Variants in ENTREP2 observed in about 807,000 individuals in gnomAD.
ENTREP2 encodes the protein protein ENTREP2.
chr15:29,617,850 C>T, the ENTREP2 span, among the ~76,000 whole-genome samples: 3 of 152,350 alleles, frequency 2.0e-5, no homozygotes, highest in East Asian at 3.9e-4. Context: ...GGCAGCCTGA[C>T]AGAGGGCCTG....
chr15:29,409,379 T>C, the ENTREP2 span, among the ~76,000 whole-genome samples: 2 of 152,070 alleles, frequency 1.3e-5, no homozygotes, highest in African/African-American at 4.8e-5. Flanking sequence ...TCTCGCTTTG[T>C]TGCCCAGGCA....
the ENTREP2 span, among the ~76,000 whole-genome samples, chr15:29,552,467 T>G: frequency 6.6e-6 from 1 of 151,604 alleles, no homozygotes. Context: ...GGCACCAGAG[T>G]GTACACCTGT....
chr15:29,480,338 CAAAAAA>C, the ENTREP2 span, among the ~76,000 whole-genome samples: 271 of 29,406 alleles, frequency 9.2e-3, 1 homozygote, highest in African/African-American at 0.024. Context: ...TTCACTATAG[CAAAAAA>C]AAAAAAAAAA....
At chr15:29,173,471 T>A in the ENTREP2 span, among the ~76,000 whole-genome samples, 1 of 152,216 alleles carries the variant, frequency 6.6e-6, no homozygotes, top group Admixed American at 6.5e-5. Flanking sequence ...CTCATCGCTC[T>A]GAGCCTTGAT....
the ENTREP2 span, among the ~76,000 whole-genome samples, chr15:29,428,115 T>C: frequency 3.5e-4 from 54 of 152,312 alleles, no homozygotes; most frequent in South Asian, 4.1e-4. Context: ...CTAAGAATCA[T>C]TGGGGAAAAA....
At chr15:29,140,835 A>C in the ENTREP2 span, among the ~76,000 whole-genome samples, 1 of 152,222 alleles carries the variant, frequency 6.6e-6, no homozygotes, top group African/African-American at 2.4e-5. Flanking sequence ...CTTCTTTCCC[A>C]GGTGGCTCTG....
At chr15:29,301,683 T>C in the ENTREP2 span, among the ~76,000 whole-genome samples, 1 of 152,242 alleles carries the variant, frequency 6.6e-6, no homozygotes, top group African/African-American at 2.4e-5. Flanking sequence ...CTGAACGTTG[T>C]GGCCCATGAG....
the ENTREP2 span, among the ~76,000 whole-genome samples, chr15:29,314,144 A>T: frequency 1.9e-4 from 29 of 152,334 alleles, no homozygotes; most frequent in South Asian, 5.0e-3. Flanking sequence ...TTGAGATGGA[A>T]TCTACTCTTG....
the ENTREP2 span, among the ~76,000 whole-genome samples, chr15:29,568,211 C>G: frequency 3.1e-3 from 466 of 152,310 alleles, no homozygotes; most frequent in African/African-American, 0.011. Flanking sequence ...AGTTTGAAGA[C>G]AGAAAATAAG....
the ENTREP2 span, among the ~76,000 whole-genome samples, chr15:29,411,581 A>C: frequency 6.6e-6 from 1 of 152,188 alleles, no homozygotes; most frequent in Non-Finnish European, 1.5e-5. Context: ...ATGAAATCAT[A>C]ATCAGTTATG....
At chr15:29,461,461 T>A in the ENTREP2 span, among the ~76,000 whole-genome samples, 3 of 152,130 alleles carry the variant, frequency 2.0e-5, no homozygotes, top group African/African-American at 7.2e-5. Flanking sequence ...AAATAAAATT[T>A]TCCATTTTCA....
the ENTREP2 span, among the ~76,000 whole-genome samples, chr15:29,416,434 G>T: frequency 1.3e-5 from 2 of 152,292 alleles, no homozygotes; most frequent in Middle Eastern, 3.4e-3. Flanking sequence ...TGGGAAAACT[G>T]GCTAGTCATA....
chr15:29,321,459 C>A, the ENTREP2 span, among the ~76,000 whole-genome samples: 1,780 of 151,968 alleles, frequency 0.012, 42 homozygotes, highest in African/African-American at 0.041. Flanking sequence ...ACCAGCCTGG[C>A]CAAGATGGTG....
chr15:29,358,759 T>A, the ENTREP2 span, among the ~76,000 whole-genome samples: 38 of 151,416 alleles, frequency 2.5e-4, no homozygotes, highest in African/African-American at 8.7e-4. Flanking sequence ...AAAACCAGAA[T>A]AAAAGACAGA....
At chr15:29,123,970 G>A in the ENTREP2 span, among the ~76,000 whole-genome samples, 2 of 152,188 alleles carry the variant, frequency 1.3e-5, no homozygotes, top group South Asian at 2.1e-4. Flanking sequence ...CAGTCTTCTC[G>A]CCTCCACGAC....
the ENTREP2 span, among the ~76,000 whole-genome samples, chr15:29,205,288 G>A: frequency 2.0e-5 from 3 of 152,186 alleles, no homozygotes; most frequent in East Asian, 1.9e-4. Context: ...ACATGGGTGT[G>A]CACATATCTA....
chr15:29,419,347 G>C, the ENTREP2 span, among the ~76,000 whole-genome samples: 2 of 152,090 alleles, frequency 1.3e-5, no homozygotes, highest in African/African-American at 2.4e-5. Context: ...TCTAAAATGA[G>C]TAACTCAACA....
chr15:29,646,466 G>C, the ENTREP2 span, among the ~76,000 whole-genome samples: 1 of 152,138 alleles, frequency 6.6e-6, no homozygotes, highest in African/African-American at 2.4e-5. Context: ...CCTTCTCTAC[G>C]TGAGGCCCTC....
At chr15:29,158,856 A>C in the ENTREP2 span, among the ~76,000 whole-genome samples, 32 of 152,036 alleles carry the variant, frequency 2.1e-4, 1 homozygote, top group East Asian at 6.2e-3. Flanking sequence ...ATAGAACAAA[A>C]ACAAGAGAAA....
Sources: gnomAD v4.1 joint callset for allele counts (sites outside exome capture counted in the v4.1 genomes callset) on GRCh38, gnomAD v4.1.1 for gene constraint, MANE v1.5 for transcripts, NCBI Gene and HGNC (gene_info 2026-07-23, HGNC 2026-07-21) for gene names.